The following SEPTIN9 variants were observed in gnomAD, a reference collection of about 807,000 sequenced individuals.
The protein encoded by SEPTIN9 is septin-9.
In SEPTIN9, 13 loss-of-function variants were observed where a neutral mutation model predicts 56.6. That is an observed-to-expected ratio of 0.23 (90% CI 0.15 to 0.37). The LOEUF (loss-of-function observed/expected upper bound fraction) is 0.37, where lower values mean the gene tolerates loss of function less well. SEPTIN9 is among the 10% of genes least tolerant of loss of function. SEPTIN9 has a pLI of 1.00. For synonymous variants in SEPTIN9, 332 were observed against 334.1 expected (o/e 0.99, Z 0.07); for missense variants, 650 against 823.1 (o/e 0.79, Z 2.57).
intron 1 of SEPTIN9, among the ~76,000 whole-genome samples, chr17:77,306,590 A>G (rs2032276269): frequency 6.6e-6 from 1 of 152,240 alleles, no homozygotes; most frequent in Admixed American, 6.5e-5. Flanking sequence ...AAAGGTAAAA[A>G]TAGCCTGTCC....
At chr17:77,334,839 G>C (rs1002334094) in intron 2 of SEPTIN9, among the ~76,000 whole-genome samples, 1 of 152,040 alleles carries the variant, frequency 6.6e-6, no homozygotes, top group Non-Finnish European at 1.5e-5. Flanking sequence ...GTTAATTCTT[G>C]TTTTTCTATA....
chr17:77,362,432 G>A (rs1002469130), intron 2 of SEPTIN9, among the ~76,000 whole-genome samples: 9 of 152,254 alleles, frequency 5.9e-5, no homozygotes, highest in African/African-American at 2.2e-4. Flanking sequence ...GGACTGCTGG[G>A]GCAAGGGAGG....
chr17:77,491,341 A>T (rs1020331663), intron 8 of SEPTIN9, among the ~76,000 whole-genome samples: 3 of 151,826 alleles, frequency 2.0e-5, no homozygotes, highest in African/African-American at 7.3e-5. Context: ...GGAATTACAG[A>T]CGCACACCAC....
chr17:77,494,073 G>GC (rs916781838), intron 10 of SEPTIN9, among the ~76,000 whole-genome samples: 2 of 151,322 alleles, frequency 1.3e-5, no homozygotes, highest in Non-Finnish European at 2.9e-5. Context: ...CACCGAGCCT[G>GC]CCCTCTTTCC....
intron 1 of SEPTIN9, chr17:77,288,261 G>C: frequency 3.0e-6 from 3 of 1,000,972 alleles, no homozygotes; most frequent in Non-Finnish European, 3.6e-6. Flanking sequence ...TAAATGACCT[G>C]TGACGAGGCC....
At chr17:77,392,072 C>T (rs377076337) in intron 2 of SEPTIN9, among the ~76,000 whole-genome samples, 2 of 152,188 alleles carry the variant, frequency 1.3e-5, no homozygotes, top group African/African-American at 2.4e-5. Context: ...CTTCCTGTAG[C>T]GTGCAGAGGG....
intron 2 of SEPTIN9, among the ~76,000 whole-genome samples, chr17:77,386,361 C>A (rs533545281): frequency 6.6e-6 from 1 of 152,104 alleles, no homozygotes; most frequent in Non-Finnish European, 1.5e-5. Flanking sequence ...CCACGCTGTC[C>A]GGGAAGGGCG....
At chr17:77,468,498 A>G (rs1162252253) in intron 3 of SEPTIN9, among the ~76,000 whole-genome samples, 1 of 152,206 alleles carries the variant, frequency 6.6e-6, no homozygotes, top group East Asian at 1.9e-4. Context: ...AAAGACTTCA[A>G]GCATTTACTG....
In SEPTIN9 at chr17:77,429,886, G is replaced by C. The variant is rs934462906; in HGVS notation, c.721+27183G>C. Among the ~76,000 whole-genome samples the C allele has an allele frequency of 2.0e-5, 3 of 152,200 alleles. No individual in the cohort carries two copies. The highest frequency in any genetic ancestry group is 4.4e-5 in the Non-Finnish European group (3 of 68,022). Reference sequence around the variant, plus strand: ...CTCTCTTTCTCCTGCTACAGAACTGGATCCTCCCAGCTCATGGCTGTCAAA... The same window carrying C: ...CTCTCTTTCTCCTGCTACAGAACTGCATCCTCCCAGCTCATGGCTGTCAAA... On this transcript the variant is annotated intron_variant, in intron 3 of 11. Coordinates refer to ENST00000427177, the MANE Select transcript of SEPTIN9 (RefSeq NM_001113491.2). This position sits in a 1 kb window ranked among gnomAD's most constrained non-coding sequence, Gnocchi z 5.2.
At chr17:77,362,759 C>G (rs535307621) in intron 2 of SEPTIN9, among the ~76,000 whole-genome samples, 1 of 152,356 alleles carries the variant, frequency 6.6e-6, no homozygotes, top group Admixed American at 6.5e-5. Context: ...CACACTAACT[C>G]AGTAAGGCCT....
At chr17:77,448,454 T>C (rs1488055470) in intron 3 of SEPTIN9, among the ~76,000 whole-genome samples, 1 of 148,282 alleles carries the variant, frequency 6.7e-6, no homozygotes. Flanking sequence ...CCAGCCTGGG[T>C]GACAGAGCAA....
intron 1 of SEPTIN9, among the ~76,000 whole-genome samples, chr17:77,290,572 A>G (rs1051618222): frequency 2.6e-5 from 4 of 151,748 alleles, no homozygotes; most frequent in African/African-American, 9.7e-5. Flanking sequence ...TCACACCTGT[A>G]ATCCCAGCAC....
intron 2 of SEPTIN9, among the ~76,000 whole-genome samples, chr17:77,321,493 T>TA (rs1166561939): frequency 6.6e-6 from 1 of 151,412 alleles, no homozygotes; most frequent in East Asian, 1.9e-4. Flanking sequence ...TCCGCCTCCC[T>TA]AGTTCATGCC....
intron 1 of SEPTIN9, among the ~76,000 whole-genome samples, chr17:77,284,752 C>T (rs1223504643): frequency 1.3e-5 from 2 of 152,160 alleles, no homozygotes; most frequent in African/African-American, 4.8e-5. Context: ...GCCTCAGCCT[C>T]CTGAGTGGCT....
In SEPTIN9 at chr17:77,475,170, G is replaced by A; in HGVS notation, c.722-6974G>A. 7.1e-6 allele frequency: 8 copies of A among 1,133,620 alleles called. No individual in the cohort carries two copies. The Admixed American group carries it at 1.3e-4, about 18-fold the overall frequency. The allele number at this position is 1,133,620 out of a possible 1,614,324, so 70.2% of individuals were successfully genotyped here. On this transcript the variant is annotated intron_variant, in intron 3 of 11. Coordinates refer to ENST00000427177, the MANE Select transcript of SEPTIN9 (RefSeq NM_001113491.2). The surrounding 1 kb of genome is among the most constrained non-coding windows in gnomAD (Gnocchi z 4.6). ...AAAGCCGGGCTGGGGTGAGCGTGATGGATGAGGTGTCTGGCTTCACAAACC... is the reference window on the plus strand; with the variant it reads ...AAAGCCGGGCTGGGGTGAGCGTGATAGATGAGGTGTCTGGCTTCACAAACC...
intron 3 of SEPTIN9, among the ~76,000 whole-genome samples, chr17:77,412,724 TA>T (rs919702517): frequency 8.1e-4 from 116 of 142,796 alleles, no homozygotes; most frequent in Admixed American, 1.3e-3. Context: ...AGATCCTGTC[TA>T]AAAAAAAAAA....
rs1476631557 is a variant in SEPTIN9 at position 77,326,080 on chromosome 17, A to G, written c.76+18883A>G. ...TTGCCATCCTTATACAGCACCCCACACCCACCTCCCCGCCTCCTACCCCTT... is the reference window on the plus strand; with the variant it reads ...TTGCCATCCTTATACAGCACCCCACGCCCACCTCCCCGCCTCCTACCCCTT... On this transcript the variant is annotated intron_variant, in intron 2 of 11. Transcript: ENST00000427177. This position sits in a 1 kb window ranked among gnomAD's most constrained non-coding sequence, Gnocchi z 5.1. Among the ~76,000 whole-genome samples the G allele has an allele frequency of 6.6e-6, 1 of 151,160 alleles. No homozygotes were observed. The highest frequency in any genetic ancestry group is 1.5e-5 in the Non-Finnish European group (1 of 67,802).
chr17:77,346,516 T>C (rs547195141), intron 2 of SEPTIN9, among the ~76,000 whole-genome samples: 1 of 152,196 alleles, frequency 6.6e-6, no homozygotes, highest in Non-Finnish European at 1.5e-5. Context: ...GAGCTATTGA[T>C]TTCTAATTTA....
At chr17:77,404,226 C>T (rs979782481) in intron 3 of SEPTIN9, among the ~76,000 whole-genome samples, 2 of 152,094 alleles carry the variant, frequency 1.3e-5, no homozygotes, top group Non-Finnish European at 2.9e-5. Context: ...CTCTAAGTCC[C>T]TCTTTCCATC....
Sources: allele counts gnomAD v4.1 joint callset (sites outside exome capture counted in the v4.1 genomes callset), GRCh38; gene constraint gnomAD v4.1.1; non-coding constraint Gnocchi (gnomAD v3.1); transcripts MANE v1.5; gene names NCBI Gene and HGNC (gene_info 2026-07-23, HGNC 2026-07-21).